Variants in ARHGAP24 observed in about 807,000 individuals in gnomAD.
ARHGAP24 encodes Rho GTPase activating protein 24, also known as rho GTPase-activating protein 24.
Under a neutral mutation model 76.4 loss-of-function variants are expected in ARHGAP24, and 50 were observed. The ratio of observed to expected loss-of-function variants is 0.65; its 90% confidence interval spans 0.52 to 0.83. The LOEUF is 0.83. Ranked by LOEUF, ARHGAP24 falls within the 40% of genes least tolerant of loss-of-function variation. The pLI, the probability that ARHGAP24 is intolerant of heterozygous loss-of-function variation, is 0.00. For synonymous variants in ARHGAP24, 345 were observed against 323.3 expected, an observed-to-expected ratio of 1.07 and a Z score of -0.72; for missense variants, 930 against 914.2, an observed-to-expected ratio of 1.02 and a Z score of -0.22.
chr4:85,665,572 T>G (rs554934633), intron 2 of ARHGAP24, among the ~76,000 whole-genome samples: 11 of 152,310 alleles, frequency 7.2e-5, no homozygotes, highest in South Asian at 2.1e-4. Context: ...GTTAGCTGGT[T>G]ATTTTGCTCG....
At chr4:85,996,008 G>A (rs1415355832) in intron 9 of ARHGAP24, among the ~76,000 whole-genome samples, 1 of 152,210 alleles carries the variant, frequency 6.6e-6, no homozygotes, top group African/African-American at 2.4e-5. Context: ...GAGATGGACA[G>A]AGCATTAGGA....
At chr4:85,649,202 A>T (rs1285102679) in intron 2 of ARHGAP24, among the ~76,000 whole-genome samples, 1 of 152,148 alleles carries the variant, frequency 6.6e-6, no homozygotes, top group Non-Finnish European at 1.5e-5. Context: ...CTGCATACAG[A>T]ACAATTCCCC....
At chr4:85,933,582 G>A (rs932022848) in intron 4 of ARHGAP24, among the ~76,000 whole-genome samples, 5 of 152,156 alleles carry the variant, frequency 3.3e-5, no homozygotes, top group African/African-American at 7.2e-5. Flanking sequence ...ACATCTATTA[G>A]GCAGGAAGCT....
Position 85,629,674 on chromosome 4 carries a change from C to T in ARHGAP24, c.180+58953C>T, listed in dbSNP as rs539898360. 1.2e-3 allele frequency among the ~76,000 whole-genome samples: 188 copies of T among 152,286 alleles called. No individual in the cohort carries two copies. In the South Asian group the frequency reaches 0.015, roughly 12 times the overall value. ...TGAACAGTTTGAACATATCATCCTA[C>T]TCTTTTTTAGCCTACAGTGGTTCTG... On this transcript the variant is annotated intron_variant, in intron 2 of 9. Transcript: ENST00000395184.
intron 2 of ARHGAP24, among the ~76,000 whole-genome samples, chr4:85,694,374 A>G (rs1356069467): frequency 6.6e-6 from 1 of 152,286 alleles, no homozygotes; most frequent in South Asian, 2.1e-4. Context: ...TGCCACTGGC[A>G]TATATCAAAA....
intron 7 of ARHGAP24, among the ~76,000 whole-genome samples, chr4:85,975,930 A>C (rs1739293049): frequency 6.6e-6 from 1 of 152,192 alleles, no homozygotes. Context: ...TCTAGTGATG[A>C]TTATACTTAG....
intron 3 of ARHGAP24, among the ~76,000 whole-genome samples, chr4:85,879,996 G>C (rs992503489): frequency 6.6e-6 from 1 of 152,138 alleles, no homozygotes; most frequent in Non-Finnish European, 1.5e-5. Context: ...ATGCTCGCTG[G>C]CCTGCTGTGC....
chr4:85,744,374 T>C (rs908666636), intron 3 of ARHGAP24, among the ~76,000 whole-genome samples: 3 of 152,182 alleles, frequency 2.0e-5, no homozygotes, highest in Non-Finnish European at 4.4e-5. Flanking sequence ...ATTTTTAGGA[T>C]TCTGTTTTTA....
chr4:85,923,837 G>T, intron 4 of ARHGAP24, 67 bp downstream of exon 4: 2 of 1,609,414 alleles, frequency 1.2e-6, no homozygotes, highest in Non-Finnish European at 1.7e-6. Context: ...CTTTCCCCCA[G>T]CGAATGTTAC....
intron 2 of ARHGAP24, among the ~76,000 whole-genome samples, chr4:85,687,433 C>T (rs543599693): frequency 8.5e-5 from 13 of 152,250 alleles, no homozygotes; most frequent in African/African-American, 2.6e-4. Flanking sequence ...ACTCTCTCCC[C>T]GCTTTAGTAG....
At chr4:85,554,905 C>A (rs1351087775) in intron 1 of ARHGAP24, among the ~76,000 whole-genome samples, 5 of 151,544 alleles carry the variant, frequency 3.3e-5, no homozygotes, top group African/African-American at 9.7e-5. Context: ...TGTTCTCAAT[C>A]TCCTGACCTC....
chr4:85,559,996 T>C (rs1022891053), intron 1 of ARHGAP24, among the ~76,000 whole-genome samples: 2 of 152,128 alleles, frequency 1.3e-5, no homozygotes, highest in African/African-American at 2.4e-5. Flanking sequence ...ATATGATTGG[T>C]TGGTTGTGAC....
At chr4:85,901,546 G>A (rs116103783) in intron 3 of ARHGAP24, among the ~76,000 whole-genome samples, 21 of 152,254 alleles carry the variant, frequency 1.4e-4, no homozygotes, top group African/African-American at 5.1e-4. Flanking sequence ...AACTTGAGTA[G>A]GATCAATAAC....
At chr4:85,539,844 C>G (rs1478495712) in intron 1 of ARHGAP24, among the ~76,000 whole-genome samples, 1 of 152,046 alleles carries the variant, frequency 6.6e-6, no homozygotes, top group Admixed American at 6.6e-5. Context: ...CACCTGAGGT[C>G]AGGAGTTTGC....
chr4:85,624,481 G>T (rs1040815858), intron 2 of ARHGAP24, among the ~76,000 whole-genome samples: 6 of 152,048 alleles, frequency 3.9e-5, no homozygotes, highest in Non-Finnish European at 8.8e-5. Context: ...TGCTGGATTC[G>T]GTTTGCCAGT....
intron 4 of ARHGAP24, 29 bp from the exon 5 acceptor site, chr4:85,942,037 C>G: frequency 6.2e-7 from 1 of 1,602,998 alleles, no homozygotes; most frequent in Non-Finnish European, 8.5e-7. Flanking sequence ...ATAAATTTCC[C>G]AAGTTTACTG....
intron 2 of ARHGAP24, among the ~76,000 whole-genome samples, chr4:85,688,395 CTT>C (rs1301492550): frequency 6.6e-6 from 1 of 151,918 alleles, no homozygotes; most frequent in Non-Finnish European, 1.5e-5. Flanking sequence ...TTTTCATGTT[CTT>C]TTCTCATTTT....
intron 3 of ARHGAP24, among the ~76,000 whole-genome samples, chr4:85,795,331 C>G (rs919564541): frequency 6.6e-6 from 1 of 152,118 alleles, no homozygotes. Flanking sequence ...CTTCCTTTTT[C>G]TCCCTCTGGA....
chr4:86,001,200 TGA>T lies in ARHGAP24; in HGVS notation c.*480_*481del. On this transcript the variant is annotated 3_prime_UTR_variant, in exon 10 of 10. Transcript: ENST00000395184. Reference sequence around the variant, plus strand: ...AAATATAAATATATATATAAATATATGAGTTATTAAAATCAGAAGAATACTTT... The same window carrying T: ...AAATATAAATATATATATAAATATATGTTATTAAAATCAGAAGAATACTTT... The T allele has an allele frequency of 2.5e-6, 1 of 397,788 alleles. No homozygotes were observed. The highest frequency in any genetic ancestry group is 4.4e-5 in the Admixed American group (1 of 22,724). 24.6% of individuals were successfully genotyped at this position (397,788 alleles called of 1,614,324 possible).
Sources: allele counts gnomAD v4.1 joint callset (sites outside exome capture counted in the v4.1 genomes callset), GRCh38; gene constraint gnomAD v4.1.1; transcripts MANE v1.5; gene names NCBI Gene and HGNC (gene_info 2026-07-23, HGNC 2026-07-21).